Variants in TPTE observed in about 807,000 individuals in gnomAD.
TPTE encodes transmembrane phosphatase with tensin homology.
A neutral mutation model predicts 84.1 loss-of-function variants in TPTE; 59 were observed. The observed-to-expected ratio is 0.70, with a 90% CI of 0.57 to 0.87. The LOEUF is 0.87. Ranked by LOEUF, TPTE falls within the 40% of genes least tolerant of loss-of-function variation. The pLI, the probability that TPTE is intolerant of heterozygous loss-of-function variation, is 0.00. For missense variants in TPTE, 382 were observed against 659.6 expected (o/e 0.58, Z 4.61); for synonymous variants, 130 against 223.5 (o/e 0.58, Z 3.73).
intron 23 of TPTE, among the ~76,000 whole-genome samples, chr21:10,605,120 A>G (rs1261055611): frequency 6.6e-6 from 1 of 152,304 alleles, no homozygotes; most frequent in African/African-American, 2.4e-5. Flanking sequence ...GTCTATCCTG[A>G]CTGATTTCTG....
intron 10 of TPTE, among the ~76,000 whole-genome samples, chr21:10,564,466 C>CAT (rs1218972890): frequency 6.6e-6 from 1 of 152,308 alleles, no homozygotes; most frequent in African/African-American, 2.4e-5. Flanking sequence ...GCTGAGATCA[C>CAT]ACCACTGCAC....
At chr21:10,601,686 C>T (rs1314358901) in intron 21 of TPTE, among the ~76,000 whole-genome samples, 5 of 152,288 alleles carry the variant, frequency 3.3e-5, no homozygotes, top group Non-Finnish European at 7.3e-5. Context: ...AACCCCATCG[C>T]TACTAAAAAT....
At chr21:10,585,486 A>G (rs568359800) in intron 17 of TPTE, among the ~76,000 whole-genome samples, 7 of 152,388 alleles carry the variant, frequency 4.6e-5, no homozygotes, top group African/African-American at 1.7e-4. Context: ...TTATTAAATT[A>G]TTTTATTATT....
At chr21:10,589,615 T>C (rs1402599044) in intron 17 of TPTE, among the ~76,000 whole-genome samples, 1 of 152,310 alleles carries the variant, frequency 6.6e-6, no homozygotes, top group Non-Finnish European at 1.5e-5. Context: ...TCTCCAAGTC[T>C]CTTCTCAAAT....
At chr21:10,576,071 T>G (rs1229600359) in intron 14 of TPTE, among the ~76,000 whole-genome samples, 3 of 152,298 alleles carry the variant, frequency 2.0e-5, no homozygotes, top group African/African-American at 4.8e-5. Context: ...AATCCCATTA[T>G]GGGGTATATA....
Position 10,605,270 on chromosome 21 carries a change from G to A in TPTE, c.1521-147G>A, listed in dbSNP as rs1296914775. On this transcript the variant is annotated intron_variant, in intron 23 of 23. Coordinates refer to ENST00000618007, the MANE Select transcript of TPTE (RefSeq NM_199261.4). ...TTATGTCTCAGTAAAAAGGTGGAAGGAGCCAACTGAGACACAAAAAAAGGG... is the reference window on the plus strand; with the variant it reads ...TTATGTCTCAGTAAAAAGGTGGAAGAAGCCAACTGAGACACAAAAAAAGGG... 3.8e-5 allele frequency: 42 copies of A among 1,093,918 alleles called. No homozygotes were observed. The African/African-American group carries it at 6.1e-4, about 16-fold the overall frequency. The allele number at this position is 1,093,918 out of a possible 1,614,324, so 67.8% of individuals were successfully genotyped here. A position where few individuals can be genotyped will look rare whatever the true frequency, so the allele number is the denominator to read the frequency against.
chr21:10,589,297 T>G (rs2145767617), intron 17 of TPTE, among the ~76,000 whole-genome samples: 2 of 152,404 alleles, frequency 1.3e-5, no homozygotes, highest in African/African-American at 4.8e-5. Context: ...TGCCAGCAGG[T>G]TTTATATTGG....
At chr21:10,540,955 A>T (rs1431749033) in intron 4 of TPTE, among the ~76,000 whole-genome samples, 157 bp from the exon 5 acceptor site, 2 of 152,424 alleles carry the variant, frequency 1.3e-5, no homozygotes, top group South Asian at 4.1e-4. Flanking sequence ...CATTTCTAAT[A>T]AAAAGACAAA....
At chr21:10,521,840 GGGCCGGGT>G (rs2073981978) in intron 1 of TPTE, 146 bp downstream of exon 1, 1 of 152,368 alleles carries the variant, frequency 6.6e-6, no homozygotes. Flanking sequence ...GTCTTTTGGG[GGGCCGGGT>G]GCGGGCGCGG....
At chr21:10,539,986 G>A (rs1220408007) in intron 4 of TPTE, among the ~76,000 whole-genome samples, 1 of 152,312 alleles carries the variant, frequency 6.6e-6, no homozygotes, top group African/African-American at 2.4e-5. Context: ...TCCAGCTTGG[G>A]TGACTGAGTG....
chr21:10,569,566 C>T (rs746021606), intron 12 of TPTE, 30 bp downstream of exon 12: 4 of 1,613,700 alleles, frequency 2.5e-6, no homozygotes, highest in Non-Finnish European at 3.4e-6. Flanking sequence ...TTATGATTCA[C>T]AAAAATATTT....
chr21:10,587,411 C>T (rs1180547046), intron 17 of TPTE, among the ~76,000 whole-genome samples: 12 of 152,280 alleles, frequency 7.9e-5, no homozygotes, highest in African/African-American at 2.7e-4. Flanking sequence ...ATTATTGCCA[C>T]CTTGATGTCC....
intron 17 of TPTE, among the ~76,000 whole-genome samples, chr21:10,584,337 C>CTTTTTT (rs58211728): frequency 2.8e-5 from 4 of 143,786 alleles, no homozygotes; most frequent in Non-Finnish European, 3.1e-5. Flanking sequence ...CCTAAACTCA[C>CTTTTTT]TTTTTTTTTT....
At chr21:10,573,222 T>C (rs1478831737) in intron 14 of TPTE, among the ~76,000 whole-genome samples, 3 of 152,302 alleles carry the variant, frequency 2.0e-5, no homozygotes, top group East Asian at 1.9e-4. Flanking sequence ...AAACAGACTT[T>C]AAGTCAAACT....
intron 19 of TPTE, among the ~76,000 whole-genome samples, chr21:10,593,442 TCTC>T (rs1398193096): frequency 1.4e-4 from 21 of 152,366 alleles, no homozygotes; most frequent in Middle Eastern, 3.4e-3. Context: ...GGTTGCTGTG[TCTC>T]CTAAGTCTCT....
intron 7 of TPTE, among the ~76,000 whole-genome samples, chr21:10,551,694 CA>C (rs1466615383): frequency 2.0e-5 from 3 of 152,236 alleles, no homozygotes; most frequent in Non-Finnish European, 4.4e-5. Context: ...AGGGAAGACC[CA>C]AATAAGTAAA....
chr21:10,594,616 A>G (rs1454052841), intron 19 of TPTE, among the ~76,000 whole-genome samples: 1 of 152,298 alleles, frequency 6.6e-6, no homozygotes, highest in Non-Finnish European at 1.5e-5. Context: ...GGCAGAAGCT[A>G]ACGGGATGCT....
At chr21:10,551,248 G>C (rs142308972) in intron 7 of TPTE, among the ~76,000 whole-genome samples, 1 of 143,774 alleles carries the variant, frequency 7.0e-6, no homozygotes, top group Admixed American at 7.1e-5. Flanking sequence ...AGAACACTCA[G>C]ACACAGGAAG....
At chr21:10,564,842 A>G (rs2074885746) in intron 10 of TPTE, among the ~76,000 whole-genome samples, 1 of 152,430 alleles carries the variant, frequency 6.6e-6, no homozygotes, top group East Asian at 1.9e-4. Flanking sequence ...GTATAGAAGT[A>G]ACATACCTCA....
Sources: allele counts gnomAD v4.1 joint callset (sites outside exome capture counted in the v4.1 genomes callset), GRCh38; gene constraint gnomAD v4.1.1; transcripts MANE v1.5; gene names NCBI Gene and HGNC (gene_info 2026-07-23, HGNC 2026-07-21).